The following SCD5 variants were observed in gnomAD, a reference collection of about 807,000 sequenced individuals.
SCD5 encodes the protein acyl-CoA-desaturase 4.
A neutral mutation model predicts 30.4 loss-of-function variants in SCD5; 20 were observed. That is an observed-to-expected ratio of 0.66 (90% CI 0.46 to 0.96). The LOEUF (loss-of-function observed/expected upper bound fraction) is 0.96, where lower values mean the gene tolerates loss of function less well. Ranked by LOEUF, SCD5 falls within the 40% of genes least tolerant of loss-of-function variation. The pLI is 0.00. For missense variants in SCD5, 381 were observed against 443.3 expected (o/e 0.86, Z 1.26); for synonymous variants, 173 against 176.4 (o/e 0.98, Z 0.16).
intron 3 of SCD5, among the ~76,000 whole-genome samples, chr4:82,649,520 C>G (rs1179457948): frequency 6.6e-6 from 1 of 152,160 alleles, no homozygotes; most frequent in African/African-American, 2.4e-5. Flanking sequence ...TAGGGCCTTG[C>G]TCCATCCTGT....
chr4:82,781,340 C>T (rs567508651), intron 1 of SCD5, among the ~76,000 whole-genome samples: 2 of 151,692 alleles, frequency 1.3e-5, no homozygotes, highest in Non-Finnish European at 2.9e-5. Flanking sequence ...AGCTTGAACC[C>T]GGGAGGCAGA....
At chr4:82,788,689 C>A (rs1042691742) in intron 1 of SCD5, among the ~76,000 whole-genome samples, 3 of 152,190 alleles carry the variant, frequency 2.0e-5, no homozygotes, top group African/African-American at 7.2e-5. Flanking sequence ...TTGTACCTGG[C>A]CACAAGTGAG....
intron 1 of SCD5, among the ~76,000 whole-genome samples, chr4:82,790,356 C>A (rs907470992): frequency 2.0e-5 from 3 of 152,208 alleles, no homozygotes; most frequent in Admixed American, 2.0e-4. Flanking sequence ...TGAGCAGAGA[C>A]CTCCAGCACG....
intron 1 of SCD5, among the ~76,000 whole-genome samples, chr4:82,769,339 AAATT>A (rs1427571400): frequency 6.6e-6 from 1 of 152,232 alleles, no homozygotes; most frequent in Non-Finnish European, 1.5e-5. Context: ...CATGGTTAAT[AAATT>A]AATAAGGGGC....
chr4:82,732,788 C>T (rs1578043395), intron 1 of SCD5, among the ~76,000 whole-genome samples: 1 of 152,246 alleles, frequency 6.6e-6, no homozygotes, highest in Middle Eastern at 3.4e-3. Flanking sequence ...GTGAAAATAA[C>T]CCAGGGACAG....
chr4:82,743,589 CG>C (rs1720923375), intron 1 of SCD5, among the ~76,000 whole-genome samples: 2 of 152,024 alleles, frequency 1.3e-5, no homozygotes, highest in Non-Finnish European at 2.9e-5. Flanking sequence ...CGTGCAATCA[CG>C]GGCTCACCGC....
In SCD5 at chr4:82,666,523, A is replaced by T. The variant is rs528157850; in HGVS notation, c.569+14184T>A. Among the ~76,000 whole-genome samples, 3 of 151,070 alleles carry T rather than the reference A, an allele frequency of 2.0e-5. No individual in the cohort carries two copies. In the South Asian group the frequency reaches 6.2e-4, roughly 31 times the overall value. On this transcript the variant is annotated intron_variant, in intron 3 of 4. Coordinates refer to ENST00000319540, the MANE Select transcript of SCD5 (RefSeq NM_001037582.3). ...GAGCGAGACTCCGTCTCAAAAAAAAAAGAAAGAAAGAAAGAAAGAAAATGT... is the reference window on the plus strand; with the variant it reads ...GAGCGAGACTCCGTCTCAAAAAAAATAGAAAGAAAGAAAGAAAGAAAATGT...
chr4:82,640,539 G>GT (rs1727521239), intron 3 of SCD5, among the ~76,000 whole-genome samples: 1 of 152,244 alleles, frequency 6.6e-6, no homozygotes, highest in Non-Finnish European at 1.5e-5. Flanking sequence ...AGGGGGCACA[G>GT]TAAGTCTGGG....
intron 3 of SCD5, among the ~76,000 whole-genome samples, chr4:82,663,449 T>C (rs995161831): frequency 3.3e-5 from 5 of 152,178 alleles, no homozygotes; most frequent in East Asian, 1.9e-4. Context: ...CTCTGCCACA[T>C]AGACATGCAG....
chr4:82,653,709 T>TAGATAGATAGATAGATAG (rs1727807978), intron 3 of SCD5, among the ~76,000 whole-genome samples: 1 of 136,130 alleles, frequency 7.3e-6, no homozygotes, highest in Non-Finnish European at 1.6e-5. Flanking sequence ...TAGATAGATA[T>TAGATAGATAGATAGATAG]AGATAGATAG....
In SCD5 at chr4:82,708,886, C is replaced by T. The variant is rs182861086; in HGVS notation, c.233-3473G>A. 8.5e-5 allele frequency among the ~76,000 whole-genome samples: 13 copies of T among 152,164 alleles called. No homozygotes were observed. In the East Asian group the frequency reaches 1.9e-3, roughly 23 times the overall value. ...TCTAACCCTCGCTTATAATCTGTATCTCTATAGCATCAGAGTGAACATTAA... is the reference window on the plus strand; with the variant it reads ...TCTAACCCTCGCTTATAATCTGTATTTCTATAGCATCAGAGTGAACATTAA... On this transcript the variant is annotated intron_variant, in intron 1 of 4. Transcript: ENST00000319540.
At chr4:82,678,265 A>G (rs1261143032) in intron 3 of SCD5, among the ~76,000 whole-genome samples, 1 of 152,138 alleles carries the variant, frequency 6.6e-6, no homozygotes, top group Non-Finnish European at 1.5e-5. Context: ...TTCTCAGATG[A>G]CTATTCAGGG....
intron 1 of SCD5, among the ~76,000 whole-genome samples, chr4:82,740,397 C>T (rs144934670): frequency 1.1e-4 from 17 of 152,186 alleles, no homozygotes; most frequent in South Asian, 6.2e-4. Context: ...GGCAGGTGGA[C>T]GGGGAGGATC....
chr4:82,741,853 C>CGGGGGGG (rs34875819), intron 1 of SCD5, among the ~76,000 whole-genome samples: 2 of 45,356 alleles, frequency 4.4e-5, no homozygotes, highest in Non-Finnish European at 4.6e-5. Context: ...TCAGAGTGGG[C>CGGGGGGG]GGGGGGGGGG....
intron 3 of SCD5, among the ~76,000 whole-genome samples, chr4:82,678,979 C>T (rs1728492940): frequency 6.6e-6 from 1 of 151,722 alleles, no homozygotes; most frequent in Admixed American, 6.6e-5. Context: ...AGGAGGATCA[C>T]TTGAGGTCAG....
intron 1 of SCD5, among the ~76,000 whole-genome samples, chr4:82,780,124 C>T (rs1250810705): frequency 6.6e-6 from 1 of 152,230 alleles, no homozygotes; most frequent in Non-Finnish European, 1.5e-5. Context: ...TGTTTAGGAA[C>T]ATCTGTAGCC....
intron 3 of SCD5, among the ~76,000 whole-genome samples, chr4:82,678,685 A>C (rs1728487485): frequency 6.6e-6 from 1 of 152,234 alleles, no homozygotes. Context: ...TCTGAGGTAA[A>C]GGGTGAGACA....
chr4:82,773,620 C>T (rs1466355250), intron 1 of SCD5, among the ~76,000 whole-genome samples: 1 of 152,202 alleles, frequency 6.6e-6, no homozygotes, highest in Non-Finnish European at 1.5e-5. Flanking sequence ...CAAAGTTTCT[C>T]AACCATGGCA....
chr4:82,683,106 A>G (rs543018199), intron 2 of SCD5, among the ~76,000 whole-genome samples: 6 of 152,186 alleles, frequency 3.9e-5, no homozygotes, highest in Admixed American at 6.5e-5. Context: ...TCCGACAAGC[A>G]TATGTTCAGC....
Sources: allele counts gnomAD v4.1 joint callset (sites outside exome capture counted in the v4.1 genomes callset), GRCh38; gene constraint gnomAD v4.1.1; transcripts MANE v1.5; gene names NCBI Gene and HGNC (gene_info 2026-07-23, HGNC 2026-07-21).